Variants in NRAP observed in about 807,000 individuals in gnomAD.
The protein encoded by NRAP is nebulin related anchoring protein, also known as nebulin-related-anchoring protein.
In NRAP, 189 loss-of-function variants were observed where a neutral mutation model predicts 225.9. That is an observed-to-expected ratio of 0.84 (90% CI 0.74 to 0.94). The LOEUF is 0.94. Among genes scored for constraint, NRAP ranks in the 40% least tolerant of loss-of-function variants. The probability of loss-of-function intolerance (pLI) is 0.00; values close to 1 mark genes in which losing one functional copy is unlikely to be tolerated. For missense variants in NRAP, 2,176 were observed against 2,168.7 expected (o/e 1.00, Z -0.07); for synonymous variants, 769 against 790.7 (o/e 0.97, Z 0.46).
At chr10:113,615,864 C>A (rs1354756623) in intron 26 of NRAP, 48 bp from the exon 27 acceptor site, 1 of 1,029,068 alleles carries the variant, frequency 9.7e-7, no homozygotes, top group East Asian at 2.5e-5. Flanking sequence ...CCATTCCATG[C>A]AGCCATCAGC....
At chr10:113,661,168 G>A (rs545640082) in intron 3 of NRAP, among the ~76,000 whole-genome samples, 2 of 152,216 alleles carry the variant, frequency 1.3e-5, no homozygotes, top group East Asian at 3.9e-4. Flanking sequence ...TGAATCCCTA[G>A]GAAGCAATGA....
At chr10:113,625,996 C>T (rs1039531573) in intron 21 of NRAP, 51 bp downstream of exon 21, 7 of 1,339,936 alleles carry the variant, frequency 5.2e-6, no homozygotes, top group Admixed American at 4.2e-5. Context: ...TGGAGGTCCC[C>T]CAGGCCCATG....
At position 113,589,126 on chromosome 10, in the gene NRAP, C is replaced by T. The variant is rs564594821; in HGVS notation, c.5089-47G>A. On this transcript the variant is annotated intron_variant, in intron 41 of 41. Transcript: ENST00000359988. ...CAAGTTAAAATGAAGCTCCCCCACC[C>T]CCACTCCCGGCCCCGGTTCCCACAG... 3 of 1,520,296 alleles carry T rather than the reference C, an allele frequency of 2.0e-6. No individual in the cohort carries two copies. In the South Asian group the frequency reaches 3.4e-5, roughly 17 times the overall value. 94.2% of individuals were successfully genotyped at this position (1,520,296 alleles called of 1,614,324 possible).
intron 25 of NRAP, among the ~76,000 whole-genome samples, chr10:113,619,696 C>T (rs1191946034): frequency 6.6e-6 from 1 of 151,980 alleles, no homozygotes; most frequent in Non-Finnish European, 1.5e-5. Flanking sequence ...TGGTCCCCTC[C>T]CCACCCAGAA....
intron 35 of NRAP, among the ~76,000 whole-genome samples, chr10:113,598,480 A>C (rs994490981): frequency 2.3e-5 from 2 of 86,210 alleles, no homozygotes; most frequent in African/African-American, 1.1e-4. Flanking sequence ...CAGGCTTTGA[A>C]CTCTTGGGTT....
chr10:113,604,547 C>A, intron 35 of NRAP, 62 bp downstream of exon 35: 2 of 1,473,786 alleles, frequency 1.4e-6, no homozygotes, highest in Non-Finnish European at 1.9e-6. Flanking sequence ...GAGATTGACA[C>A]CCGGGTTTGG....
At chr10:113,608,605 C>T (rs1041703863) in intron 31 of NRAP, 93 bp from the exon 32 acceptor site, 2 of 806,346 alleles carry the variant, frequency 2.5e-6, no homozygotes, top group South Asian at 3.3e-5. Flanking sequence ...CATAAAGCCT[C>T]GTTTTGCAAA....
intron 23 of NRAP, 128 bp downstream of exon 23, chr10:113,623,401 T>C (rs1848108395): frequency 1.8e-6 from 1 of 556,848 alleles, no homozygotes; most frequent in Admixed American, 3.0e-5. Flanking sequence ...ATTGCTATCA[T>C]CTCCATTTTA....
At chr10:113,649,967 T>C (rs769118995) in intron 9 of NRAP, 70 bp downstream of exon 9, 118 of 868,644 alleles carry the variant, frequency 1.4e-4, no homozygotes, top group Admixed American at 4.3e-4. Context: ...TAAATTGTCA[T>C]AGCTGTGTCA....
intron 35 of NRAP, among the ~76,000 whole-genome samples, chr10:113,601,538 G>A (rs960593388): frequency 2.0e-5 from 3 of 152,130 alleles, no homozygotes; most frequent in African/African-American, 7.2e-5. Context: ...AGCATAATAT[G>A]GTCATTTAAA....
At chr10:113,629,262 T>C (rs2134022150) in intron 19 of NRAP, among the ~76,000 whole-genome samples, 1 of 151,136 alleles carries the variant, frequency 6.6e-6, no homozygotes, top group East Asian at 1.9e-4. Flanking sequence ...AGAGTGTTTC[T>C]CATATTTGTT....
intron 3 of NRAP, among the ~76,000 whole-genome samples, chr10:113,661,194 T>C (rs1039875441): frequency 1.3e-5 from 2 of 152,170 alleles, no homozygotes; most frequent in Non-Finnish European, 2.9e-5. Context: ...GAGCAACAAT[T>C]TGAGCCTCTG....
rs1449208019 is a variant in NRAP, at chr10:113,650,464, T to A, written c.757A>T (p.Lys253Ter). The A allele has an allele frequency of 6.2e-7, 1 of 1,613,612 alleles. No individual in the cohort carries two copies. Among genetic ancestry groups the A allele is most frequent in the East Asian group, 2.2e-5 (1 of 44,878 alleles). The change falls in exon 8 of 42, where the codon AAA becomes TAA. Residue 253 changes from lysine (K) to a stop codon, truncating the protein, a stop_gained. Transcript: ENST00000359988. LOFTEE classifies it high-confidence loss of function. ...TCACTTGCCAGCTCATTGGCTCTTT[T>A]GGCTATCTGATAGGCGGGTGTGATC... ...AMITPAYQIAKRANELASDVR... is the reference protein window; with the variant it reads ...AMITPAYQIA
intron 39 of NRAP, 59 bp from the exon 40 acceptor site, chr10:113,590,948 C>G (rs183702460): frequency 1.3e-6 from 2 of 1,487,620 alleles, no homozygotes; most frequent in Non-Finnish European, 1.9e-6. Flanking sequence ...GGACCAGCCT[C>G]ACATATGGGG....
chr10:113,617,468 G>A lies in NRAP; in HGVS notation c.2960C>T (p.Thr987Ile). 6.3e-7 allele frequency: 1 copy of A among 1,592,122 alleles called. No homozygotes were observed. ...ATTATCACTTACATCCACTGCTTGGGTATAACTAATTCTGGCCTGGACCAT... is the reference window on the plus strand; with the variant it reads ...ATTATCACTTACATCCACTGCTTGGATATAACTAATTCTGGCCTGGACCAT... The part of the protein sequence containing the change: ...PEMVQARISY[T>I]QAVDRLYREQ... The change falls in exon 26 of 42, where the codon ACC becomes ATC. Residue 987 changes from threonine (T) to isoleucine (I), a missense_variant. Thr to Ile is a moderately conservative substitution (Grantham distance 89). Around this residue, in one of 3 missense-constraint regions of NRAP, gnomAD observed 1,708 missense variants for 1,695.5 expected, o/e 1.01. Transcript: ENST00000359988.
At position 113,631,627 on chromosome 10, in the gene NRAP, A is replaced by C. The variant is rs772070935; in HGVS notation, c.1741-17T>G. 4.0e-6 allele frequency: 6 copies of C among 1,517,574 alleles called. No homozygotes were observed. The highest frequency in any genetic ancestry group is 5.5e-6 in the Non-Finnish European group (6 of 1,096,008). The allele number at this position is 1,517,574 out of a possible 1,614,324, so 94.0% of individuals were successfully genotyped here. A position where few individuals can be genotyped will look rare whatever the true frequency, so the allele number is the denominator to read the frequency against. On this transcript the variant is annotated splice_polypyrimidine_tract_variant and intron_variant, in intron 17 of 41. Transcript: ENST00000359988. Reference sequence around the variant, plus strand: ...ATATTTAATCTTGAGAGAAAGAAGAAGGTCTACTGTGAGTGAGAGAGAAAC... The same window carrying C: ...ATATTTAATCTTGAGAGAAAGAAGACGGTCTACTGTGAGTGAGAGAGAAAC...
chr10:113,638,090 T>TCATTAGGCA (rs766895122), intron 14 of NRAP, among the ~76,000 whole-genome samples: 2 of 152,210 alleles, frequency 1.3e-5, no homozygotes, highest in Non-Finnish European at 2.9e-5. Flanking sequence ...CCTAATGTAT[T>TCATTAGGCA]AATTCAGGAG....
chr10:113,611,711 C>T (rs982165262), intron 30 of NRAP, among the ~76,000 whole-genome samples: 1 of 152,198 alleles, frequency 6.6e-6, no homozygotes, highest in Admixed American at 6.5e-5. Flanking sequence ...CCTCTCCCAA[C>T]AGATCTTAGC....
intron 6 of NRAP, 57 bp downstream of exon 6, chr10:113,652,878 G>A: frequency 1.7e-6 from 2 of 1,147,242 alleles, no homozygotes; most frequent in East Asian, 2.3e-5. Flanking sequence ...AATCACGGGG[G>A]CTCATTAATG....
Sources: gnomAD v4.1 joint callset for allele counts (sites outside exome capture counted in the v4.1 genomes callset) on GRCh38, gnomAD v4.1.1 for gene constraint, gnomAD v4.1.1 regional missense constraint, MANE v1.5 for transcripts, NCBI Gene and HGNC (gene_info 2026-07-23, HGNC 2026-07-21) for gene names.